LDLRAD3: variants seen among roughly 807,000 people sequenced by gnomAD.
LDLRAD3 encodes the protein low density lipoprotein receptor class A domain containing 3, also known as low-density lipoprotein receptor class A domain-containing protein 3.
Under a neutral mutation model 29.4 loss-of-function variants are expected in LDLRAD3, and 20 were observed. The ratio of observed to expected loss-of-function variants is 0.68; its 90% CI spans 0.48 to 0.99. LDLRAD3 has a LOEUF of 0.99. LDLRAD3 is among the 50% of genes least tolerant of loss of function. The probability of loss-of-function intolerance (pLI) is 0.00; values close to 1 mark genes in which losing one functional copy is unlikely to be tolerated. For synonymous variants in LDLRAD3, 157 were observed against 192.7 expected (o/e 0.81, Z 1.53); for missense variants, 420 against 454.3 (o/e 0.92, Z 0.69).
intron 4 of LDLRAD3, among the ~76,000 whole-genome samples, chr11:36,177,614 A>G (rs1019222280): frequency 2.4e-4 from 36 of 152,216 alleles, no homozygotes; most frequent in African/African-American, 8.0e-4. Flanking sequence ...CAGTGGAGCT[A>G]CTGGACTCCA....
chr11:35,991,679 A>T (rs2146359), intron 1 of LDLRAD3, among the ~76,000 whole-genome samples: 1 of 152,012 alleles, frequency 6.6e-6, no homozygotes, highest in Non-Finnish European at 1.5e-5. Context: ...AGTGTCACAG[A>T]TCTCTGCAGA....
chr11:36,103,997 A>G (rs1033375638), intron 4 of LDLRAD3, among the ~76,000 whole-genome samples: 1 of 152,212 alleles, frequency 6.6e-6, no homozygotes, highest in African/African-American at 2.4e-5. Context: ...ATGGTAAGAC[A>G]TGAGTGTATG....
chr11:36,033,841 G>A (rs1213820678), intron 1 of LDLRAD3, among the ~76,000 whole-genome samples: 1 of 152,168 alleles, frequency 6.6e-6, no homozygotes, highest in East Asian at 1.9e-4. Flanking sequence ...GGTCTTGAGA[G>A]GGAGTCTCAT....
intron 1 of LDLRAD3, among the ~76,000 whole-genome samples, chr11:36,009,657 G>A (rs929578903): frequency 6.6e-6 from 1 of 152,152 alleles, no homozygotes; most frequent in Admixed American, 6.5e-5. Flanking sequence ...AAATGCAAAT[G>A]CCATTCGTTC....
In LDLRAD3 at chr11:36,019,675, T is replaced by C. The variant is rs535591874; in HGVS notation, c.47-16428T>C. Among the ~76,000 whole-genome samples the C allele has an allele frequency of 1.5e-3, 236 of 152,302 alleles. 1 individual carries two copies. Among genetic ancestry groups the C allele is most frequent in the Middle Eastern group, 6.8e-3 (2 of 294 alleles). ...GTAAAGGGCTTGTGCCTTTGCCTGC[T>C]CTGGGTGAGAGTCCCAGAGCACAGT... On this transcript the variant is annotated intron_variant, in intron 1 of 5. Coordinates refer to ENST00000315571, the MANE Select transcript of LDLRAD3 (RefSeq NM_174902.4).
chr11:36,114,189 T>G (rs766420817), intron 4 of LDLRAD3, among the ~76,000 whole-genome samples: 1 of 152,120 alleles, frequency 6.6e-6, no homozygotes, highest in South Asian at 2.1e-4. Flanking sequence ...TAGAAGACTT[T>G]TAGAAGATTT....
chr11:36,105,710 G>A (rs1477179753), intron 4 of LDLRAD3, among the ~76,000 whole-genome samples: 1 of 152,172 alleles, frequency 6.6e-6, no homozygotes, highest in Non-Finnish European at 1.5e-5. Flanking sequence ...GAAGCCAGGA[G>A]AGAGGCTCGG....
At chr11:36,029,109 G>GTGGTAATGCC (rs1852203535) in intron 1 of LDLRAD3, among the ~76,000 whole-genome samples, 1 of 152,292 alleles carries the variant, frequency 6.6e-6, no homozygotes, top group Admixed American at 6.5e-5. Flanking sequence ...GCTGGGTGTG[G>GTGGTAATGCC]TGGTACATGC....
intron 1 of LDLRAD3, among the ~76,000 whole-genome samples, chr11:35,946,308 G>A (rs1177405391): frequency 6.6e-6 from 1 of 152,192 alleles, no homozygotes; most frequent in Non-Finnish European, 1.5e-5. Flanking sequence ...TTGGATCTCT[G>A]TCTCCATCTG....
intron 1 of LDLRAD3, among the ~76,000 whole-genome samples, chr11:35,964,517 A>T (rs755808610): frequency 5.9e-5 from 9 of 152,126 alleles, no homozygotes; most frequent in Non-Finnish European, 1.3e-4. Context: ...TCCCTTGCTC[A>T]GGGCTCTGTT....
chr11:36,131,959 G>A (rs1853932242), intron 4 of LDLRAD3, among the ~76,000 whole-genome samples: 1 of 152,136 alleles, frequency 6.6e-6, no homozygotes, highest in East Asian at 1.9e-4. Flanking sequence ...CCAGGCTAAG[G>A]CTGTTGGATT....
intron 1 of LDLRAD3, among the ~76,000 whole-genome samples, chr11:35,985,078 A>G (rs1851592834): frequency 6.6e-6 from 1 of 151,776 alleles, no homozygotes; most frequent in Non-Finnish European, 1.5e-5. Context: ...CGTGCATGCC[A>G]TCATGCCAGG....
intron 1 of LDLRAD3, among the ~76,000 whole-genome samples, chr11:36,005,880 G>C (rs1328550987): frequency 6.6e-6 from 1 of 152,090 alleles, no homozygotes; most frequent in Non-Finnish European, 1.5e-5. Context: ...CGCGAAGGGG[G>C]AAGTGCCACA....
intron 1 of LDLRAD3, among the ~76,000 whole-genome samples, chr11:35,990,280 T>C (rs1233128113): frequency 6.6e-6 from 1 of 152,176 alleles, no homozygotes; most frequent in Non-Finnish European, 1.5e-5. Context: ...GAGAGAAGTT[T>C]GAATCAAGGT....
At chr11:36,120,443 C>T (rs1304162985) in intron 4 of LDLRAD3, among the ~76,000 whole-genome samples, 1 of 152,098 alleles carries the variant, frequency 6.6e-6, no homozygotes, top group Non-Finnish European at 1.5e-5. Flanking sequence ...GTGCTAGGCA[C>T]TCTCCTGAGC....
intron 4 of LDLRAD3, among the ~76,000 whole-genome samples, chr11:36,133,679 G>A (rs1471076394): frequency 3.3e-5 from 5 of 150,640 alleles, no homozygotes; most frequent in Admixed American, 1.3e-4. Context: ...GACCACAGGC[G>A]CCTGCCACCA....
intron 3 of LDLRAD3, among the ~76,000 whole-genome samples, chr11:36,082,186 C>T (rs1413262095): frequency 6.6e-6 from 1 of 152,186 alleles, no homozygotes; most frequent in Non-Finnish European, 1.5e-5. Flanking sequence ...TATGTGTTTG[C>T]TTACTTTTTT....
intron 2 of LDLRAD3, among the ~76,000 whole-genome samples, chr11:36,062,809 C>G (rs1852724504): frequency 6.6e-6 from 1 of 152,176 alleles, no homozygotes; most frequent in East Asian, 1.9e-4. Context: ...GCCTCCCCAG[C>G]CATGCTGAAC....
Position 36,226,588 on chromosome 11 carries a change from C to CG in LDLRAD3, c.455-490dup, listed in dbSNP as rs368691384. Among the ~76,000 whole-genome samples the CG allele has an allele frequency of 1.7e-3, 254 of 152,154 alleles. 1 individual carries two copies. The highest frequency in any genetic ancestry group is 2.5e-3 in the African/African-American group (105 of 41,508). On this transcript the variant is annotated intron_variant, in intron 4 of 5. Coordinates refer to ENST00000315571, the MANE Select transcript of LDLRAD3 (RefSeq NM_174902.4). ...TTAAGTTTACAGTTCAGTGATTTTG[C>CG]GGGGGGGAAATTTACCAATTTGTGC...
Sources: allele counts gnomAD v4.1 joint callset (sites outside exome capture counted in the v4.1 genomes callset), GRCh38; gene constraint gnomAD v4.1.1; transcripts MANE v1.5; gene names NCBI Gene and HGNC (gene_info 2026-07-23, HGNC 2026-07-21).